MCC: variants seen among roughly 807,000 people sequenced by gnomAD.
The protein encoded by MCC is MCC regulator of Wnt signaling pathway.
A neutral mutation model predicts 116.2 loss-of-function variants in MCC; 90 were observed. That is an observed-to-expected ratio of 0.77 (90% CI 0.65 to 0.92). The LOEUF (loss-of-function observed/expected upper bound fraction) is 0.92. Among genes scored for constraint, MCC ranks in the 40% least tolerant of loss-of-function variants. The pLI is 0.00. For missense variants in MCC, 1,516 were observed against 1,312.2 expected (o/e 1.16, Z -2.40); for synonymous variants, 578 against 510.5 (o/e 1.13, Z -1.78).
Position 113,488,297 on chromosome 5 carries a change from T to C in MCC, c.118A>G (p.Met40Val). The change falls in exon 1 of 19, where the codon ATG becomes GTG. Residue 40 changes from methionine to valine, a missense_variant. Physicochemically the swap from Met to Val is conservative, Grantham distance 21 (BLOSUM62 1). Coordinates refer to ENST00000408903, the MANE Select transcript of MCC (RefSeq NM_001085377.2). ...TCGCACGTCTGGAAGAGGCGCCGCATCCTCTCCTCCTCGCCGGTGCTGGAC... is the reference window on the plus strand; with the variant it reads ...TCGCACGTCTGGAAGAGGCGCCGCACCCTCTCCTCCTCGCCGGTGCTGGAC... ...DTSSTGEEER[M>V]RRLFQTCDGD... 6.3e-7 allele frequency: 1 copy of C among 1,594,002 alleles called. No homozygotes were observed. Among genetic ancestry groups the C allele is most frequent in the Non-Finnish European group, 8.5e-7 (1 of 1,171,604 alleles).
At chr5:113,307,393 T>C (rs1338376767) in intron 3 of MCC, among the ~76,000 whole-genome samples, 4 of 152,226 alleles carry the variant, frequency 2.6e-5, no homozygotes, top group African/African-American at 9.6e-5. Context: ...CTAAGTATTT[T>C]ATTCTTTTTT....
chr5:113,473,385 A>T (rs1486238716), intron 1 of MCC, among the ~76,000 whole-genome samples: 1 of 152,040 alleles, frequency 6.6e-6, no homozygotes, highest in East Asian at 1.9e-4. Context: ...TTAGCTGGGC[A>T]TGGGGGTGGA....
chr5:113,071,184 T>C lies in MCC; in HGVS notation c.1835A>G (p.Glu612Gly), dbSNP rs1196591781. The C allele has an allele frequency of 6.2e-7, 1 of 1,614,180 alleles. No individual in the cohort carries two copies. Among genetic ancestry groups the C allele is most frequent in the East Asian group, 2.2e-5 (1 of 44,882 alleles). The change falls in exon 12 of 19, where the codon GAG becomes GGG. Residue 612 changes from glutamate to glycine, a missense_variant. By Grantham distance (98) the Glu-to-Gly change is moderately conservative. Transcript: ENST00000408903. ...SQNDLLTITL[E>G]ECKSNAERMS... ...CCTCTCGGCATTGCTTTTACATTCCTCCAAGGTTATGGTCAGGAGGTCATT... is the reference window on the plus strand; with the variant it reads ...CCTCTCGGCATTGCTTTTACATTCCCCCAAGGTTATGGTCAGGAGGTCATT...
chr5:113,194,325 C>T (rs1296794640), intron 3 of MCC, among the ~76,000 whole-genome samples: 1 of 152,040 alleles, frequency 6.6e-6, no homozygotes, highest in African/African-American at 2.4e-5. Context: ...AGTTAAAGTC[C>T]AACATTGCCC....
chr5:113,030,980 G>T (rs1750915589), intron 17 of MCC, among the ~76,000 whole-genome samples: 2 of 152,192 alleles, frequency 1.3e-5, no homozygotes, highest in African/African-American at 4.8e-5. Context: ...ATGGGAATGT[G>T]ACGTCGGGGT....
At chr5:113,290,692 C>G (rs567713394) in intron 3 of MCC, among the ~76,000 whole-genome samples, 3 of 152,152 alleles carry the variant, frequency 2.0e-5, no homozygotes, top group African/African-American at 7.2e-5. Flanking sequence ...CTAAAAGTCA[C>G]GACCACGAAG....
At chr5:113,077,054 C>A (rs896133601) in intron 11 of MCC, among the ~76,000 whole-genome samples, 1 of 152,030 alleles carries the variant, frequency 6.6e-6, no homozygotes, top group African/African-American at 2.4e-5. Flanking sequence ...TCAAAAGAGA[C>A]AAAGAAGGCC....
At chr5:113,433,450 G>A in intron 1 of MCC, 1 of 609,206 alleles carries the variant, frequency 1.6e-6, no homozygotes, top group Admixed American at 2.6e-5. Context: ...GCGGCCAGTG[G>A]GGACCCTCTG....
intron 3 of MCC, among the ~76,000 whole-genome samples, chr5:113,295,555 C>G (rs144266058): frequency 1.0e-3 from 159 of 152,264 alleles, no homozygotes; most frequent in African/African-American, 3.6e-3. Flanking sequence ...TCCCCAACCC[C>G]CAGACCTTCC....
intron 16 of MCC, among the ~76,000 whole-genome samples, chr5:113,044,811 T>A (rs968117667): frequency 5.9e-5 from 9 of 152,184 alleles, no homozygotes; most frequent in African/African-American, 2.2e-4. Flanking sequence ...TGACCTCAGG[T>A]AATCCACCCA....
At chr5:113,184,493 T>C (rs1761797861) in intron 3 of MCC, among the ~76,000 whole-genome samples, 3 of 149,434 alleles carry the variant, frequency 2.0e-5, no homozygotes, top group Non-Finnish European at 4.5e-5. Context: ...TTTTTTTTTT[T>C]TTTTGGAGAC....
chr5:113,065,140 C>A (rs1419204609), intron 13 of MCC, among the ~76,000 whole-genome samples: 1 of 152,116 alleles, frequency 6.6e-6, no homozygotes, highest in Non-Finnish European at 1.5e-5. Flanking sequence ...ATACATTGGC[C>A]CAAACCCATA....
intron 3 of MCC, among the ~76,000 whole-genome samples, chr5:113,271,882 A>G (rs1384045544): frequency 6.6e-6 from 1 of 152,180 alleles, no homozygotes; most frequent in Non-Finnish European, 1.5e-5. Context: ...CTCAACTTCT[A>G]CAACAATGAG....
intron 3 of MCC, among the ~76,000 whole-genome samples, chr5:113,165,082 C>T (rs534109006): frequency 7.2e-5 from 11 of 152,236 alleles, no homozygotes; most frequent in Non-Finnish European, 2.9e-5. Context: ...CTAGCCTGGC[C>T]AGGGCCTGTG....
intron 3 of MCC, among the ~76,000 whole-genome samples, chr5:113,155,510 T>TA (rs1760125692): frequency 2.6e-5 from 4 of 152,218 alleles, no homozygotes; most frequent in Admixed American, 2.6e-4. Context: ...CAACAGTGTA[T>TA]AAGAGTGCCT....
At chr5:113,464,182 GAAGC>G (rs1771833351) in intron 1 of MCC, among the ~76,000 whole-genome samples, 4 of 152,252 alleles carry the variant, frequency 2.6e-5, no homozygotes, top group East Asian at 1.9e-4. Context: ...GAGTTTATGA[GAAGC>G]AAGAAAATGG....
At chr5:113,409,219 A>G (rs1220561196) in intron 1 of MCC, among the ~76,000 whole-genome samples, 1 of 152,242 alleles carries the variant, frequency 6.6e-6, no homozygotes, top group Non-Finnish European at 1.5e-5. Flanking sequence ...GGCTAACTAT[A>G]AAAGACATTT....
intron 3 of MCC, among the ~76,000 whole-genome samples, chr5:113,209,350 A>G (rs890051911): frequency 6.6e-6 from 1 of 152,174 alleles, no homozygotes; most frequent in Admixed American, 6.5e-5. Context: ...TCATATATCA[A>G]TGGCTCCCCA....
intron 3 of MCC, among the ~76,000 whole-genome samples, chr5:113,273,733 A>G (rs1709063341): frequency 6.6e-6 from 1 of 152,210 alleles, no homozygotes; most frequent in African/African-American, 2.4e-5. Flanking sequence ...GATTAATTGT[A>G]TTAAGCAAAT....
Sources: gnomAD v4.1 joint callset for allele counts (sites outside exome capture counted in the v4.1 genomes callset) on GRCh38, gnomAD v4.1.1 for gene constraint, MANE v1.5 for transcripts, NCBI Gene and HGNC (gene_info 2026-07-23, HGNC 2026-07-21) for gene names.